ROBO2: variants seen among roughly 807,000 people sequenced by gnomAD.
ROBO2 encodes roundabout guidance receptor 2, also known as roundabout homolog 2.
Under a neutral mutation model 160.8 loss-of-function variants are expected in ROBO2, and 53 were observed. That is an observed-to-expected ratio of 0.33 (90% confidence interval 0.26 to 0.41). The LOEUF is 0.41. Among genes scored for constraint, ROBO2 ranks in the 10% least tolerant of loss-of-function variants. ROBO2 has a pLI of 1.00. For missense variants in ROBO2, 1,577 were observed against 1,722.4 expected (o/e 0.92, Z 1.49); for synonymous variants, 664 against 611.7 (o/e 1.09, Z -1.26).
At chr3:76,538,175 A>G (rs549234477) in intron 2 of ROBO2, among the ~76,000 whole-genome samples, 1 of 151,990 alleles carries the variant, frequency 6.6e-6, no homozygotes, top group East Asian at 1.9e-4. Context: ...ACACACACAC[A>G]CACACACACC....
At chr3:76,267,318 A>G (rs1707160305) in intron 2 of ROBO2, among the ~76,000 whole-genome samples, 1 of 152,302 alleles carries the variant, frequency 6.6e-6, no homozygotes. Context: ...TGACACTTTC[A>G]TTACAAATTA....
At chr3:77,062,965 TA>T (rs1383090027) in intron 1 of ROBO2, among the ~76,000 whole-genome samples, 1 of 152,180 alleles carries the variant, frequency 6.6e-6, no homozygotes, top group Non-Finnish European at 1.5e-5. Context: ...TTTTTAATAA[TA>T]AAGATTCTGA....
chr3:77,479,616 C>A (rs980464815), intron 3 of ROBO2, among the ~76,000 whole-genome samples: 1 of 152,032 alleles, frequency 6.6e-6, no homozygotes, highest in African/African-American at 2.4e-5. Context: ...ATCTACATTA[C>A]CAAAGAGAGT....
chr3:77,400,682 T>G (rs1181404869), intron 2 of ROBO2, among the ~76,000 whole-genome samples: 1 of 152,154 alleles, frequency 6.6e-6, no homozygotes, highest in Non-Finnish European at 1.5e-5. Context: ...CAAGAATCCC[T>G]TTTATATTGG....
chr3:76,256,845 A>G (rs1706424543), intron 2 of ROBO2, among the ~76,000 whole-genome samples: 1 of 152,046 alleles, frequency 6.6e-6, no homozygotes, highest in Non-Finnish European at 1.5e-5. Context: ...AGCTTCTAGA[A>G]AGACCTCAGG....
chr3:76,448,895 A>T (rs936657448), intron 2 of ROBO2, among the ~76,000 whole-genome samples: 1 of 152,278 alleles, frequency 6.6e-6, no homozygotes, highest in South Asian at 2.1e-4. Context: ...AGTCTAAATC[A>T]CTGCATCCCT....
chr3:77,112,779 G>A (rs1171710301), intron 2 of ROBO2, among the ~76,000 whole-genome samples: 2 of 152,158 alleles, frequency 1.3e-5, no homozygotes, highest in Non-Finnish European at 1.5e-5. Context: ...TATGCTATAT[G>A]TGTTCTTTCC....
In ROBO2 at chr3:76,012,665, T is replaced by A. The variant is rs770182960; in HGVS notation, c.109+75063T>A. On this transcript the variant is annotated intron_variant, in intron 2 of 26. Transcript: ENST00000487694. ...CCAAATAAATAAGTAGGTAAATAAATGCTTAAAGACTTTTTTAAAAATCCG... is the reference window on the plus strand; with the variant it reads ...CCAAATAAATAAGTAGGTAAATAAAAGCTTAAAGACTTTTTTAAAAATCCG... 7.9e-5 allele frequency among the ~76,000 whole-genome samples: 12 copies of A among 152,260 alleles called. No individual in the cohort carries two copies. The East Asian group carries it at 1.4e-3, about 17-fold the overall frequency.
intron 2 of ROBO2, among the ~76,000 whole-genome samples, chr3:76,331,414 C>G (rs991042120): frequency 6.6e-6 from 1 of 151,986 alleles, no homozygotes; most frequent in African/African-American, 2.4e-5. Flanking sequence ...TTACAAGCTT[C>G]TTTTTTTATA....
chr3:76,483,203 T>A (rs1394331216), intron 2 of ROBO2, among the ~76,000 whole-genome samples: 1 of 152,168 alleles, frequency 6.6e-6, no homozygotes, highest in African/African-American at 2.4e-5. Flanking sequence ...ATATTTTTTC[T>A]AAGAGATATG....
chr3:77,088,503 G>C (rs920788386), intron 1 of ROBO2, among the ~76,000 whole-genome samples: 1 of 152,038 alleles, frequency 6.6e-6, no homozygotes, highest in African/African-American at 2.4e-5. Flanking sequence ...CATCACTTAG[G>C]TATTAACCCC....
intron 2 of ROBO2, among the ~76,000 whole-genome samples, chr3:76,395,605 A>G (rs1405280913): frequency 6.6e-6 from 1 of 152,004 alleles, no homozygotes; most frequent in Non-Finnish European, 1.5e-5. Context: ...AGAGAGAAGA[A>G]TCAAATAGAC....
At chr3:76,503,199 T>A (rs2080579239) in intron 2 of ROBO2, among the ~76,000 whole-genome samples, 1 of 152,124 alleles carries the variant, frequency 6.6e-6, no homozygotes, top group Non-Finnish European at 1.5e-5. Flanking sequence ...GGGAGAAAGA[T>A]GTAGGCTGGG....
At chr3:75,998,740 A>T (rs946343948) in intron 2 of ROBO2, among the ~76,000 whole-genome samples, 4 of 152,218 alleles carry the variant, frequency 2.6e-5, no homozygotes, top group African/African-American at 9.6e-5. Context: ...AGTGGCTATT[A>T]TAGGATGATG....
chr3:77,505,329 A>G (rs2088319834), intron 5 of ROBO2, among the ~76,000 whole-genome samples: 1 of 151,994 alleles, frequency 6.6e-6, no homozygotes, highest in South Asian at 2.1e-4. Context: ...TCATACAAGA[A>G]AACCTTTTTT....
chr3:77,066,748 A>G (rs2066889311), intron 1 of ROBO2, among the ~76,000 whole-genome samples: 1 of 152,134 alleles, frequency 6.6e-6, no homozygotes, highest in African/African-American at 2.4e-5. Context: ...GGCAATCTAA[A>G]GAATTTGTAG....
intron 1 of ROBO2, among the ~76,000 whole-genome samples, chr3:77,095,503 A>G (rs2150054667): frequency 6.6e-6 from 1 of 152,288 alleles, no homozygotes; most frequent in East Asian, 1.9e-4. Flanking sequence ...GTAGCTATTT[A>G]CTTGCTTACT....
At chr3:77,611,604 T>A (rs9816695) in intron 21 of ROBO2, among the ~76,000 whole-genome samples, 16,627 of 152,198 alleles carry the variant, frequency 0.11, 1,319 homozygotes, top group African/African-American at 0.21. Flanking sequence ...ATATTGTCTC[T>A]AGTTTTTTGT....
chr3:76,729,322 T>TA (rs2093599194), intron 2 of ROBO2, among the ~76,000 whole-genome samples: 1 of 152,034 alleles, frequency 6.6e-6, no homozygotes, highest in Admixed American at 6.5e-5. Context: ...GATATAGTAA[T>TA]AAAAATCATA....
Sources: allele counts gnomAD v4.1 joint callset (sites outside exome capture counted in the v4.1 genomes callset), GRCh38; gene constraint gnomAD v4.1.1; transcripts MANE v1.5; gene names NCBI Gene and HGNC (gene_info 2026-07-23, HGNC 2026-07-21).